The following GLYATL2 variants were observed in gnomAD, a reference collection of about 807,000 sequenced individuals.
The protein encoded by GLYATL2 is glycine-N-acyltransferase like 2, also known as glycine N-acyltransferase-like protein 2.
GLYATL2 carries 25 observed loss-of-function variants against 21.4 expected under a neutral mutation model. The observed-to-expected ratio is 1.17, with a 90% CI of 0.85 to 1.63. The LOEUF is 1.63. Among genes scored for constraint, GLYATL2 ranks in the 40% most tolerant of loss-of-function variants. The pLI, the probability that GLYATL2 is intolerant of heterozygous loss-of-function variation, is 0.00. For missense variants in GLYATL2, 361 were observed against 343.3 expected, an observed-to-expected ratio of 1.05 and a Z score of -0.41; for synonymous variants, 114 against 118.2, an observed-to-expected ratio of 0.96 and a Z score of 0.23.
chr11:58,907,703 T>G (rs1324796113), upstream of GLYATL2: 2 of 195,294 alleles, frequency 1.0e-5, no homozygotes, highest in Non-Finnish European at 2.1e-5. Context: ...TATCAAGCTT[T>G]GTTAATTTCA....
intron 1 of GLYATL2, among the ~76,000 whole-genome samples, chr11:58,858,511 C>A (rs1240744849): frequency 6.6e-6 from 1 of 151,502 alleles, no homozygotes; most frequent in African/African-American, 2.4e-5. Flanking sequence ...TCCCTTTCCA[C>A]TTGTCTCTGG....
intron 1 of GLYATL2, among the ~76,000 whole-genome samples, chr11:58,865,121 T>G (rs960928025): frequency 5.0e-5 from 7 of 139,436 alleles, no homozygotes; most frequent in Admixed American, 3.2e-4. Flanking sequence ...TTTTTCTATG[T>G]CAGTCATACC....
intron 1 of GLYATL2, among the ~76,000 whole-genome samples, chr11:58,863,273 G>A (rs1258747077): frequency 6.6e-6 from 1 of 152,230 alleles, no homozygotes; most frequent in Non-Finnish European, 1.5e-5. Context: ...GCAGGTGCTA[G>A]CTAGGTTCTG....
chr11:58,848,246 G>A (rs775232237), upstream of GLYATL2, among the ~76,000 whole-genome samples: 1 of 152,034 alleles, frequency 6.6e-6, no homozygotes, highest in African/African-American at 2.4e-5. Context: ...AATAAGCCCA[G>A]ACAGTGAAGA....
intron 1 of GLYATL2, among the ~76,000 whole-genome samples, chr11:58,890,203 A>G (rs1457797210): frequency 1.3e-5 from 2 of 152,126 alleles, no homozygotes; most frequent in African/African-American, 2.4e-5. Context: ...TGTGATATTT[A>G]GTTTTCTGTT....
At position 58,901,253 on chromosome 11, in the gene GLYATL2, A is replaced by G. The variant is rs547107381; in HGVS notation, n.60+2903T>C. On this transcript the variant is annotated intron_variant and non_coding_transcript_variant, in intron 1 of 4. Transcript: ENST00000533636. ...ATGCAAATTACCGAGCCACAGTCCA[A>G]CCAAAGGTATCAAAACAGGATCTCT... Among the ~76,000 whole-genome samples, 10 of 152,326 alleles carry G rather than the reference A, an allele frequency of 6.6e-5. No individual in the cohort carries two copies. In the South Asian group the frequency reaches 1.7e-3, roughly 25 times the overall value.
chr11:58,850,555 G>A (rs1247936416), intron 1 of GLYATL2, among the ~76,000 whole-genome samples: 1 of 152,028 alleles, frequency 6.6e-6, no homozygotes, highest in African/African-American at 2.4e-5. Flanking sequence ...GAGCTGAAGG[G>A]GCATGGTGAG....
chr11:58,874,923 T>G (rs1401263784), intron 1 of GLYATL2, among the ~76,000 whole-genome samples: 2 of 152,216 alleles, frequency 1.3e-5, no homozygotes, highest in African/African-American at 4.8e-5. Context: ...TGTGGGAGTC[T>G]AAGTCTCTTT....
intron 1 of GLYATL2, among the ~76,000 whole-genome samples, chr11:58,869,753 G>A (rs1325532989): frequency 6.6e-6 from 1 of 152,168 alleles, no homozygotes; most frequent in East Asian, 1.9e-4. Flanking sequence ...TAGCAAGATA[G>A]CATTAAAATT....
At chr11:58,843,930 CATT>C (rs1853597178) in intron 1 of GLYATL2, among the ~76,000 whole-genome samples, 1 of 152,070 alleles carries the variant, frequency 6.6e-6, no homozygotes, top group Non-Finnish European at 1.5e-5. Context: ...TGGAGAGAAA[CATT>C]AGGATACCAG....
At chr11:58,907,583 T>C (rs1854932258), upstream of GLYATL2, 1 of 346,096 alleles carries the variant, frequency 2.9e-6, no homozygotes, top group Non-Finnish European at 5.7e-6. Flanking sequence ...TCCTGACTAC[T>C]AGTTCTATCA....
intron 1 of GLYATL2, among the ~76,000 whole-genome samples, chr11:58,900,629 G>A (rs1292220730): frequency 6.6e-6 from 1 of 152,174 alleles, no homozygotes; most frequent in Non-Finnish European, 1.5e-5. Flanking sequence ...AGGTGAGGCA[G>A]CCTTAGTTAA....
intron 1 of GLYATL2, among the ~76,000 whole-genome samples, chr11:58,858,486 G>C (rs1421809111): frequency 6.6e-6 from 1 of 150,596 alleles, no homozygotes; most frequent in African/African-American, 2.4e-5. Flanking sequence ...AAAAAAATTG[G>C]ATCAAATAAG....
chr11:58,898,994 C>G (rs1042883105), intron 1 of GLYATL2, among the ~76,000 whole-genome samples: 3 of 152,072 alleles, frequency 2.0e-5, no homozygotes, highest in Non-Finnish European at 4.4e-5. Flanking sequence ...TTCTTTTACA[C>G]TCAGGGGACT....
intron 1 of GLYATL2, among the ~76,000 whole-genome samples, chr11:58,899,432 CAT>C (rs1342231654): frequency 1.3e-5 from 2 of 152,102 alleles, no homozygotes; most frequent in Non-Finnish European, 2.9e-5. Flanking sequence ...AAACAGTAAA[CAT>C]ATTTCCTATA....
intron 1 of GLYATL2, among the ~76,000 whole-genome samples, chr11:58,866,454 T>C (rs1281952695): frequency 6.7e-6 from 1 of 148,572 alleles, no homozygotes; most frequent in Admixed American, 7.0e-5. Context: ...CCTCCCTGAG[T>C]GTCCAGGTGT....
chr11:58,848,207 G>A (rs1853677819), upstream of GLYATL2, among the ~76,000 whole-genome samples: 1 of 151,942 alleles, frequency 6.6e-6, no homozygotes. Context: ...TCAAATATCT[G>A]GAAAGCCTTT....
intron 1 of GLYATL2, among the ~76,000 whole-genome samples, chr11:58,853,527 GA>G (rs1236282090): frequency 6.6e-6 from 1 of 152,126 alleles, no homozygotes; most frequent in East Asian, 1.9e-4. Flanking sequence ...GTATCAACTG[GA>G]AGTATCATAT....
chr11:58,834,944 G>A, intron 5 of GLYATL2, 107 bp from the exon 6 acceptor site: 1 of 780,492 alleles, frequency 1.3e-6, no homozygotes. Context: ...CTACAGCCTG[G>A]AGGAGGCAAT....
Sources: allele counts gnomAD v4.1 joint callset (sites outside exome capture counted in the v4.1 genomes callset), GRCh38; gene constraint gnomAD v4.1.1; transcripts MANE v1.5; gene names NCBI Gene and HGNC (gene_info 2026-07-23, HGNC 2026-07-21).